GHR: variants seen among roughly 807,000 people sequenced by gnomAD.
GHR encodes growth hormone receptor.
GHR carries 35 observed loss-of-function variants against 67.1 expected under a neutral mutation model. That is an observed-to-expected ratio of 0.52 (90% CI 0.40 to 0.69). The LOEUF is 0.69. Ranked by LOEUF, GHR falls within the 30% of genes least tolerant of loss-of-function variation. GHR has a pLI of 0.00. For synonymous variants in GHR, 272 were observed against 269.1 expected (o/e 1.01, Z -0.10); for missense variants, 792 against 764.6 (o/e 1.04, Z -0.42).
At chr5:42,438,602 G>A (rs1302539951) in intron 1 of GHR, among the ~76,000 whole-genome samples, 1 of 152,152 alleles carries the variant, frequency 6.6e-6, no homozygotes, top group Non-Finnish European at 1.5e-5. Flanking sequence ...TCTGTGGAAA[G>A]GCTAACATGA....
chr5:42,622,937 G>T (rs1346350680), intron 2 of GHR, among the ~76,000 whole-genome samples: 5 of 152,044 alleles, frequency 3.3e-5, no homozygotes, highest in African/African-American at 4.8e-5. Context: ...GGGCCTAAAT[G>T]GTCTAGCTGG....
chr5:42,513,907 T>G (rs1747130484), intron 1 of GHR, among the ~76,000 whole-genome samples: 2 of 152,218 alleles, frequency 1.3e-5, no homozygotes, highest in Admixed American at 1.3e-4. Context: ...TTCTAGGGAT[T>G]AGTTGACTGC....
chr5:42,448,569 T>TTTATTA (rs1241230361), intron 1 of GHR, among the ~76,000 whole-genome samples: 1 of 98,414 alleles, frequency 1.0e-5, no homozygotes, highest in Non-Finnish European at 2.1e-5. Flanking sequence ...GGGTTATCTG[T>TTTATTA]TTACTATTAT....
intron 1 of GHR, among the ~76,000 whole-genome samples, chr5:42,538,316 A>T (rs906809496): frequency 6.6e-6 from 1 of 152,160 alleles, no homozygotes; most frequent in African/African-American, 2.4e-5. Flanking sequence ...TAATGTTTCC[A>T]GGATTTGTTT....
chr5:42,718,902 G>T lies in GHR; in HGVS notation c.1395G>T (p.Glu465Asp). The change falls in exon 10 of 10, where the codon GAG becomes GAT. Residue 465 changes from glutamate (E) to aspartate (D), a missense_variant. Physicochemically the swap from Glu to Asp is conservative, Grantham distance 45. Coordinates refer to ENST00000230882, the MANE Select transcript of GHR (RefSeq NM_000163.5). The part of the protein sequence containing the change: ...KPQPLPTEGA[E>D]STHQAAHIQL... ...AACCACTTCCTACTGAAGGAGCTGAGTCAACTCACCAAGCTGCCCATATTC... is the reference window on the plus strand; with the variant it reads ...AACCACTTCCTACTGAAGGAGCTGATTCAACTCACCAAGCTGCCCATATTC... 1 of 1,614,128 alleles carries T rather than the reference G, an allele frequency of 6.2e-7. No homozygotes were observed. Among genetic ancestry groups the T allele is most frequent in the East Asian group, 2.2e-5 (1 of 44,874 alleles).
intron 1 of GHR, among the ~76,000 whole-genome samples, chr5:42,564,688 C>A (rs912029114): frequency 6.6e-5 from 10 of 152,114 alleles, no homozygotes; most frequent in African/African-American, 2.4e-4. Context: ...TTGCCGGGGG[C>A]CACATCTGTA....
chr5:42,586,501 A>C lies in GHR; in HGVS notation c.70+20557A>C, dbSNP rs1751483786. On this transcript the variant is annotated intron_variant, in intron 2 of 9. Coordinates refer to ENST00000230882, the MANE Select transcript of GHR (RefSeq NM_000163.5). ...AATTGGCTCGATGATAAGATAGGACAGTTGGATTTAGGGATCTAGATTAAG... is the reference window on the plus strand; with the variant it reads ...AATTGGCTCGATGATAAGATAGGACCGTTGGATTTAGGGATCTAGATTAAG... Among the ~76,000 whole-genome samples, 2 of 152,246 alleles carry C rather than the reference A, an allele frequency of 1.3e-5. 1 individual carries two copies. Among genetic ancestry groups the C allele is most frequent in the South Asian group, 4.1e-4 (2 of 4,834 alleles).
chr5:42,486,958 C>A (rs10473286), intron 1 of GHR, among the ~76,000 whole-genome samples: 2 of 151,698 alleles, frequency 1.3e-5, no homozygotes, highest in African/African-American at 4.8e-5. Context: ...TAGTCTAATA[C>A]GAGATAGTTT....
chr5:42,475,849 A>G (rs1313743785), intron 1 of GHR, among the ~76,000 whole-genome samples: 1 of 152,216 alleles, frequency 6.6e-6, no homozygotes, highest in Non-Finnish European at 1.5e-5. Context: ...ATTTTAAAGA[A>G]TTCCATGCAA....
At chr5:42,524,872 C>T (rs1196883586) in intron 1 of GHR, among the ~76,000 whole-genome samples, 1 of 152,222 alleles carries the variant, frequency 6.6e-6, no homozygotes, top group Non-Finnish European at 1.5e-5. Context: ...GCCTTGGCAG[C>T]TTCCATATGG....
chr5:42,703,343 T>C (rs1488260938), intron 6 of GHR, among the ~76,000 whole-genome samples: 1 of 152,094 alleles, frequency 6.6e-6, no homozygotes, highest in African/African-American at 2.4e-5. Flanking sequence ...TTAGCACCTT[T>C]GTGATAAATC....
intron 3 of GHR, chr5:42,647,574 C>CA (rs36110641): frequency 0.08 from 25,653 of 322,114 alleles, 12 homozygotes; most frequent in South Asian, 0.11. Flanking sequence ...ACTGCGTCTC[C>CA]AAAAAAAAAA....
chr5:42,536,849 G>T (rs1748279201), intron 1 of GHR, among the ~76,000 whole-genome samples: 1 of 151,926 alleles, frequency 6.6e-6, no homozygotes, highest in African/African-American at 2.4e-5. Flanking sequence ...GCTTGCTATT[G>T]GTCTGTTCAG....
intron 1 of GHR, 87 bp from the exon 2 acceptor site, chr5:42,565,777 A>C: frequency 6.2e-7 from 1 of 1,610,062 alleles, no homozygotes; most frequent in Non-Finnish European, 8.5e-7. Context: ...CAGCTCATTC[A>C]TGTCTTACCC....
At chr5:42,714,613 A>C (rs1220766571) in intron 8 of GHR, among the ~76,000 whole-genome samples, 2 of 152,200 alleles carry the variant, frequency 1.3e-5, no homozygotes, top group Non-Finnish European at 2.9e-5. Flanking sequence ...GTAGAGCTTC[A>C]TGTCCAATTT....
intron 3 of GHR, among the ~76,000 whole-genome samples, chr5:42,669,028 T>A (rs975447961): frequency 1.3e-5 from 2 of 152,150 alleles, no homozygotes; most frequent in African/African-American, 4.8e-5. Flanking sequence ...AGAGAATACA[T>A]AGAGCAAAAA....
At chr5:42,450,231 T>A (rs1031697619) in intron 1 of GHR, among the ~76,000 whole-genome samples, 19 of 152,350 alleles carry the variant, frequency 1.2e-4, no homozygotes, top group African/African-American at 4.6e-4. Flanking sequence ...CAGATAGAAT[T>A]CAGCTGTGAA....
chr5:42,480,821 T>C (rs1449413212), intron 1 of GHR, among the ~76,000 whole-genome samples: 2 of 152,252 alleles, frequency 1.3e-5, no homozygotes, highest in African/African-American at 4.8e-5. Flanking sequence ...AGCACGCTGA[T>C]GGGTCTTGAC....
chr5:42,471,017 G>A (rs896474871), intron 1 of GHR, among the ~76,000 whole-genome samples: 2 of 152,112 alleles, frequency 1.3e-5, no homozygotes, highest in African/African-American at 2.4e-5. Flanking sequence ...TCTTATTTGT[G>A]AGAGTACAAG....
Sources: allele counts gnomAD v4.1 joint callset (sites outside exome capture counted in the v4.1 genomes callset), GRCh38; gene constraint gnomAD v4.1.1; transcripts MANE v1.5; gene names NCBI Gene and HGNC (gene_info 2026-07-23, HGNC 2026-07-21).